COBL: variants seen among roughly 807,000 people sequenced by gnomAD.
COBL encodes the protein cordon-bleu WH2 repeat protein.
In COBL, 51 loss-of-function variants were observed where a neutral mutation model predicts 98.8. The ratio of observed to expected loss-of-function variants is 0.52; its 90% CI spans 0.41 to 0.65. The LOEUF (loss-of-function observed/expected upper bound fraction) is 0.65, where lower values mean the gene tolerates loss of function less well. Ranked by LOEUF, COBL falls within the 30% of genes least tolerant of loss-of-function variation. COBL has a pLI of 0.00. For synonymous variants in COBL, 634 were observed against 651.7 expected (o/e 0.97, Z 0.41); for missense variants, 1,617 against 1,617.5 (o/e 1.00, Z 0.01).
At position 51,017,408 on chromosome 7, in the gene COBL, A is replaced by G; in HGVS notation, c.*143T>C. The G allele has an allele frequency of 1.3e-6, 1 of 762,734 alleles. No homozygotes were observed. The highest frequency in any genetic ancestry group is 2.3e-6 in the Non-Finnish European group (1 of 442,922). 47.2% of individuals were successfully genotyped at this position (762,734 alleles called of 1,614,324 possible). ...TCCTTTCAAGCCGTTATACAGGAAC[A>G]CACCGAAAATCAACTGTGCGCATTT... On this transcript the variant is annotated 3_prime_UTR_variant, in exon 13 of 13. Transcript: ENST00000265136.
At chr7:51,278,620 T>C (rs999356071) in intron 1 of COBL, among the ~76,000 whole-genome samples, 2 of 152,186 alleles carry the variant, frequency 1.3e-5, no homozygotes, top group Admixed American at 6.5e-5. Context: ...CCTCAGGTGA[T>C]CTACCCACCT....
At chr7:51,285,945 T>C (rs1800317598) in intron 1 of COBL, among the ~76,000 whole-genome samples, 2 of 152,186 alleles carry the variant, frequency 1.3e-5, no homozygotes, top group African/African-American at 4.8e-5. Context: ...ATAAATATAT[T>C]CAAGTGATTT....
At chr7:51,312,273 G>A (rs1369824962) in intron 1 of COBL, among the ~76,000 whole-genome samples, 1 of 152,158 alleles carries the variant, frequency 6.6e-6, no homozygotes. Context: ...GGAGGTTGCA[G>A]TGAGCTGAGA....
intron 1 of COBL, among the ~76,000 whole-genome samples, chr7:51,273,327 CAAA>C (rs953811880): frequency 5.0e-5 from 3 of 59,492 alleles, no homozygotes; most frequent in Non-Finnish European, 3.9e-5. Flanking sequence ...GACTCCATCT[CAAA>C]AAAAAAAAAA....
chr7:51,198,035 T>C (rs1344163599), intron 2 of COBL, among the ~76,000 whole-genome samples: 1 of 152,206 alleles, frequency 6.6e-6, no homozygotes, highest in Non-Finnish European at 1.5e-5. Context: ...TATTGATATA[T>C]GTGGATTTGA....
chr7:51,214,769 G>A (rs1256724443), intron 2 of COBL, among the ~76,000 whole-genome samples: 2 of 152,104 alleles, frequency 1.3e-5, no homozygotes, highest in East Asian at 1.9e-4. Context: ...TATTTTTCCT[G>A]TGTTTGAAGA....
At chr7:51,308,883 G>A (rs1207337092) in intron 1 of COBL, among the ~76,000 whole-genome samples, 5 of 152,170 alleles carry the variant, frequency 3.3e-5, no homozygotes, top group Non-Finnish European at 2.9e-5. Flanking sequence ...GTTTACCACT[G>A]GCCTTTAAGA....
At chr7:51,308,517 T>C (rs1027731418) in intron 1 of COBL, among the ~76,000 whole-genome samples, 2 of 152,340 alleles carry the variant, frequency 1.3e-5, no homozygotes, top group Non-Finnish European at 2.9e-5. Flanking sequence ...GCCATCCACA[T>C]GTAATTGCAA....
In COBL at chr7:51,028,102, C is replaced by T. The variant is rs747941208; in HGVS notation, c.2994G>A (p.Lys998=). ...TGGCCTCCTGGCTACTTGTGCTTTG[C>T]TTTCCACTGAAACCACAGCTCTGTC... ...SVGQSCGFSG[K]QSTSSQEASS... is the part of the protein sequence containing the mutation. Residue 998 remains lysine, a synonymous_variant, in exon 10 of 13, where the codon AAG becomes AAA. Transcript: ENST00000265136. 10 of 1,614,144 alleles carry T rather than the reference C, an allele frequency of 6.2e-6. No homozygotes were observed. The South Asian group carries it at 1.1e-4, about 18-fold the overall frequency.
chr7:51,278,969 GCC>G (rs1799564203), intron 1 of COBL, among the ~76,000 whole-genome samples: 1 of 152,236 alleles, frequency 6.6e-6, no homozygotes, highest in Admixed American at 6.5e-5. Context: ...GCGGCAGGTG[GCC>G]GGGGAAATGC....
chr7:51,027,806 G>A lies in COBL; in HGVS notation c.3290C>T (p.Pro1097Leu). The A allele has an allele frequency of 6.2e-7, 1 of 1,614,224 alleles. No individual in the cohort carries two copies. ...SIFGPKKKFK[P>L]VVQRPVPKDT... ...TTTTGGGACTGGTCTCTGGACAACAGGTTTGAATTTTTTCTTCGGCCCAAA... is the reference window on the plus strand; with the variant it reads ...TTTTGGGACTGGTCTCTGGACAACAAGTTTGAATTTTTTCTTCGGCCCAAA... Residue 1097 changes from proline (P) to leucine (L), a missense_variant, in exon 10 of 13, where the codon CCT becomes CTT. Pro to Leu is a moderately conservative substitution (Grantham distance 98). This residue lies in a region of COBL where 1,304 missense variants were observed against 1,282.0 expected (regional missense o/e 1.02). Coordinates refer to ENST00000265136, the MANE Select transcript of COBL (RefSeq NM_015198.5).
intron 2 of COBL, among the ~76,000 whole-genome samples, chr7:51,208,651 C>T (rs1405702286): frequency 6.6e-6 from 1 of 152,164 alleles, no homozygotes; most frequent in Non-Finnish European, 1.5e-5. Context: ...ACTGAGAAAT[C>T]GGATGGTTGC....
intron 6 of COBL, among the ~76,000 whole-genome samples, chr7:51,123,927 A>G (rs1166085965): frequency 6.6e-6 from 1 of 152,156 alleles, no homozygotes; most frequent in East Asian, 1.9e-4. Context: ...TTGAATCAGC[A>G]TCAATGCATG....
intron 7 of COBL, among the ~76,000 whole-genome samples, chr7:51,081,486 G>A (rs1476207806): frequency 6.6e-6 from 1 of 152,230 alleles, no homozygotes; most frequent in Non-Finnish European, 1.5e-5. Context: ...AGGTTCCACT[G>A]CTCTGCAGAG....
intron 1 of COBL, among the ~76,000 whole-genome samples, chr7:51,247,872 T>C (rs867813308): frequency 2.6e-5 from 4 of 152,248 alleles, no homozygotes; most frequent in South Asian, 2.1e-4. Context: ...TGTCTGTAAT[T>C]CCAGCACTGT....
intron 5 of COBL, among the ~76,000 whole-genome samples, chr7:51,142,483 A>G (rs1369182495): frequency 6.7e-6 from 1 of 148,888 alleles, no homozygotes; most frequent in Non-Finnish European, 1.5e-5. Flanking sequence ...TCCCTGGTTC[A>G]AGGGATTCTC....
intron 1 of COBL, among the ~76,000 whole-genome samples, chr7:51,265,838 A>G (rs373607964): frequency 1.7e-4 from 26 of 152,334 alleles, no homozygotes; most frequent in African/African-American, 5.8e-4. Context: ...CATAAAATGT[A>G]CATCCACTCA....
rs1438848539 is a variant in COBL, at chr7:51,190,948, A to T, written c.587T>A (p.Val196Asp). The T allele has an allele frequency of 1.9e-6, 3 of 1,614,060 alleles. No individual in the cohort carries two copies. Among genetic ancestry groups the T allele is most frequent in the Non-Finnish European group, 8.5e-7 (1 of 1,180,040 alleles). Residue 196 changes from valine to aspartate, a missense_variant, in exon 4 of 13, where the codon GTT becomes GAT. By Grantham distance (152) the Val-to-Asp change is radical (BLOSUM62 -3). Around this residue, in one of 3 missense-constraint regions of COBL, gnomAD observed 75 missense variants for 120.5 expected, o/e 0.62. Coordinates refer to ENST00000265136, the MANE Select transcript of COBL (RefSeq NM_015198.5). ...TCCGGCAATGTTGTCCCTGAGGAGA[A>T]CCACGTGCTCTGGGCTGACCTCACA... ...AKCEVSPEHV[V>D]LLRDNIAGEE...
At chr7:51,265,992 T>C (rs1235144108) in intron 1 of COBL, among the ~76,000 whole-genome samples, 10 of 152,166 alleles carry the variant, frequency 6.6e-5, no homozygotes, top group Admixed American at 6.6e-4. Context: ...ACAATTCCTT[T>C]CACAGTAATA....
Sources: allele counts gnomAD v4.1 joint callset (sites outside exome capture counted in the v4.1 genomes callset), GRCh38; gene constraint gnomAD v4.1.1; regional missense constraint gnomAD v4.1.1; transcripts MANE v1.5; gene names NCBI Gene and HGNC (gene_info 2026-07-23, HGNC 2026-07-21).